The following PDE4D variants were observed in gnomAD, a reference collection of about 807,000 sequenced individuals.
PDE4D encodes the protein phosphodiesterase 4D, also known as 3',5'-cyclic-AMP phosphodiesterase 4D.
Under a neutral mutation model 87.4 loss-of-function variants are expected in PDE4D, and 24 were observed. The ratio of observed to expected loss-of-function variants is 0.27; its 90% CI spans 0.20 to 0.39. PDE4D has a LOEUF of 0.39. Among genes scored for constraint, PDE4D ranks in the 10% least tolerant of loss-of-function variants. The probability of loss-of-function intolerance (pLI) is 1.00; values close to 1 mark genes in which losing one functional copy is unlikely to be tolerated. For synonymous variants in PDE4D, 384 were observed against 383.2 expected (o/e 1.00, Z -0.02); for missense variants, 714 against 1,041.0 (o/e 0.69, Z 4.32).
At chr5:59,189,110 T>C (rs1010945998) in intron 3 of PDE4D, among the ~76,000 whole-genome samples, 2 of 152,170 alleles carry the variant, frequency 1.3e-5, no homozygotes, top group Admixed American at 6.5e-5. Context: ...GGTTATATTT[T>C]ATTACCAACT....
intron 1 of PDE4D, among the ~76,000 whole-genome samples, chr5:59,713,536 C>T (rs966694607): frequency 6.6e-6 from 1 of 152,168 alleles, no homozygotes; most frequent in Non-Finnish European, 1.5e-5. Flanking sequence ...CAGCTACCCA[C>T]CACTCACCCA....
chr5:60,179,884 A>G (rs1014433408), intron 2 of PDE4D, among the ~76,000 whole-genome samples: 3 of 152,134 alleles, frequency 2.0e-5, no homozygotes, highest in Non-Finnish European at 4.4e-5. Context: ...AGAAAACTCC[A>G]CCAGTTATGC....
chr5:59,112,628 T>C (rs1433293864), intron 5 of PDE4D, among the ~76,000 whole-genome samples: 3 of 151,598 alleles, frequency 2.0e-5, no homozygotes, highest in Admixed American at 1.3e-4. Context: ...CTAAAAAGAG[T>C]AGACACAGGG....
At chr5:60,483,553 C>G (rs1267192961) in intron 1 of PDE4D, among the ~76,000 whole-genome samples, 1 of 152,006 alleles carries the variant, frequency 6.6e-6, no homozygotes, top group East Asian at 1.9e-4. Flanking sequence ...GTTTCTAGCA[C>G]CTAACTCCTG....
At chr5:60,242,169 G>C (rs147188340) in intron 1 of PDE4D, among the ~76,000 whole-genome samples, 44 of 152,102 alleles carry the variant, frequency 2.9e-4, no homozygotes, top group African/African-American at 8.4e-4. Context: ...GAAACAAAAA[G>C]AGCAGGAGTA....
intron 1 of PDE4D, chr5:60,460,155 C>A: frequency 6.3e-7 from 1 of 1,595,914 alleles, no homozygotes; most frequent in Non-Finnish European, 8.5e-7. Flanking sequence ...TGGCTTTATT[C>A]TGCATTTGAC....
intron 3 of PDE4D, among the ~76,000 whole-genome samples, chr5:59,976,193 C>T (rs1338605484): frequency 6.6e-6 from 1 of 152,064 alleles, no homozygotes; most frequent in Non-Finnish European, 1.5e-5. Flanking sequence ...ACCAGAATCC[C>T]TTGCATGTAT....
intron 1 of PDE4D, among the ~76,000 whole-genome samples, chr5:59,338,394 G>C (rs778043027): frequency 1.7e-4 from 26 of 152,160 alleles, no homozygotes; most frequent in Non-Finnish European, 3.1e-4. Context: ...CTTTCTTGGT[G>C]AAAATAGTAT....
chr5:59,399,476 T>C (rs1239475687), intron 1 of PDE4D, among the ~76,000 whole-genome samples: 8 of 136,770 alleles, frequency 5.8e-5, no homozygotes, highest in Admixed American at 4.3e-4. Context: ...AAACAAGCAA[T>C]GGGGAAAGGA....
intron 5 of PDE4D, among the ~76,000 whole-genome samples, chr5:59,121,944 C>T (rs565435351): frequency 6.6e-6 from 1 of 152,118 alleles, no homozygotes; most frequent in East Asian, 1.9e-4. Context: ...GAGATCCAGA[C>T]CAGCCTGGCC....
At chr5:60,473,740 G>A (rs1454621327) in intron 1 of PDE4D, among the ~76,000 whole-genome samples, 1 of 151,770 alleles carries the variant, frequency 6.6e-6, no homozygotes, top group Non-Finnish European at 1.5e-5. Flanking sequence ...AGCTCATCTG[G>A]CATGCAAACC....
intron 2 of PDE4D, among the ~76,000 whole-genome samples, chr5:60,068,638 G>A (rs1772372558): frequency 6.6e-6 from 1 of 151,852 alleles, no homozygotes. Flanking sequence ...CTGTCACTCA[G>A]GCTGGAGTAC....
chr5:60,513,079 A>G (rs1009274186), intron 1 of PDE4D, among the ~76,000 whole-genome samples: 4 of 152,330 alleles, frequency 2.6e-5, no homozygotes, highest in Non-Finnish European at 5.9e-5. Flanking sequence ...AGACAAATGG[A>G]GAGCAAATAA....
At chr5:59,112,713 G>A (rs546426367) in intron 5 of PDE4D, among the ~76,000 whole-genome samples, 2 of 152,002 alleles carry the variant, frequency 1.3e-5, no homozygotes, top group African/African-American at 2.4e-5. Flanking sequence ...GAGGCAGTTG[G>A]GGAAATCTAT....
intron 5 of PDE4D, among the ~76,000 whole-genome samples, chr5:59,101,314 C>T (rs1770694938): frequency 6.6e-6 from 1 of 152,084 alleles, no homozygotes; most frequent in Admixed American, 6.6e-5. Flanking sequence ...TCTCTTTTCT[C>T]CTGGTAGACT....
intron 1 of PDE4D, chr5:59,217,311 T>C (rs1751475979): frequency 6.6e-6 from 3 of 454,778 alleles, no homozygotes; most frequent in South Asian, 4.7e-5. Context: ...GTCATTAATA[T>C]TTTCCCCATT....
At position 59,543,094 on chromosome 5, in the gene PDE4D, TTTC is replaced by T. The variant is rs568750581; in HGVS notation, c.456-327129_456-327127del. Among the ~76,000 whole-genome samples the T allele has an allele frequency of 1.6e-3, 244 of 152,264 alleles. 2 individuals are homozygous for T. The highest frequency in any genetic ancestry group is 5.6e-3 in the African/African-American group (233 of 41,560). On this transcript the variant is annotated intron_variant, in intron 1 of 14. Coordinates refer to ENST00000340635, the MANE Select transcript of PDE4D (RefSeq NM_001104631.2). Reference sequence around the variant, plus strand: ...TTTGACTGAGGAGTGACAGGGAAGTTTTCTTCAATTAATAGCCAGCTGCATAAT... The same window carrying T: ...TTTGACTGAGGAGTGACAGGGAAGTTTTCAATTAATAGCCAGCTGCATAAT...
chr5:59,155,299 A>G (rs1780007741), intron 5 of PDE4D, among the ~76,000 whole-genome samples: 1 of 152,244 alleles, frequency 6.6e-6, no homozygotes. Context: ...AAGTATTCAG[A>G]GCAGCAAGAA....
intron 6 of PDE4D, among the ~76,000 whole-genome samples, chr5:59,001,561 C>A (rs968033470): frequency 6.6e-5 from 10 of 152,184 alleles, no homozygotes; most frequent in Admixed American, 6.5e-4. Context: ...CTAAGGTCCT[C>A]CTTTTCTCTG....
Sources: gnomAD v4.1 joint callset for allele counts (sites outside exome capture counted in the v4.1 genomes callset) on GRCh38, gnomAD v4.1.1 for gene constraint, MANE v1.5 for transcripts, NCBI Gene and HGNC (gene_info 2026-07-23, HGNC 2026-07-21) for gene names.